The following TEDC2 variants were observed in gnomAD, a reference collection of about 807,000 sequenced individuals.
The protein encoded by TEDC2 is tubulin epsilon and delta complex 2, also known as tubulin epsilon and delta complex protein 2.
TEDC2 carries 49 observed loss-of-function variants against 48.1 expected under a neutral mutation model. That is an observed-to-expected ratio of 1.02 (90% CI 0.81 to 1.29). The LOEUF (loss-of-function observed/expected upper bound fraction) is 1.29. TEDC2 is among the 50% of genes most tolerant of loss of function. TEDC2 has a pLI of 0.00. For missense variants in TEDC2, 631 were observed against 571.4 expected, an observed-to-expected ratio of 1.10 and a Z score of -1.06; for synonymous variants, 299 against 247.1, an observed-to-expected ratio of 1.21 and a Z score of -1.97.
rs1182783343 is a variant in TEDC2, at chr16:2,460,373, G to C, written c.117G>C (p.Leu39=). 1.9e-6 allele frequency: 3 copies of C among 1,544,714 alleles called. No individual in the cohort carries two copies. Among genetic ancestry groups the C allele is most frequent in the African/African-American group, 1.4e-5 (1 of 72,786 alleles). The part of the protein sequence containing the change: ...EQSLRVCRRL[L]HAWEPTGTRA... ...GCCTGCGCGTTTGCCGTCGGCTGCTGCATGCCTGGTACGCGGACCCCGGAC... is the reference window on the plus strand; with the variant it reads ...GCCTGCGCGTTTGCCGTCGGCTGCTCCATGCCTGGTACGCGGACCCCGGAC... Residue 39 remains leucine (L), a synonymous_variant, in exon 2 of 10, where the codon CTG becomes CTC. Transcript: ENST00000361837.
chr16:2,462,449 A>G lies in TEDC2; in HGVS notation c.785A>G (p.Glu262Gly). 1 of 1,611,384 alleles carries G rather than the reference A, an allele frequency of 6.2e-7. No homozygotes were observed. The highest frequency in any genetic ancestry group is 1.7e-5 in the Admixed American group (1 of 59,804). ...GGPQPRLSAVEVEAEAGRLRK... is the reference protein window; with the variant it reads ...GGPQPRLSAVGVEAEAGRLRK... ...CCCCAGCCCAGGCTCAGTGCTGTGG[A>G]GGTGGAGGCGGAGGCGGGGCGCCTG... is the stretch of plus-strand genomic sequence containing the variant. The change falls in exon 7 of 10, where the codon GAG (glutamate) becomes GGG (glycine). Residue 262 changes from glutamate (E) to glycine (G), a missense_variant. Glu to Gly is a moderately conservative substitution (Grantham distance 98). Coordinates refer to ENST00000361837, the MANE Select transcript of TEDC2 (RefSeq NM_025108.3).
Position 2,460,263 on chromosome 16 carries a change from G to T in TEDC2, c.27-20G>T. The T allele has an allele frequency of 6.6e-7, 1 of 1,517,330 alleles. No homozygotes were observed. The highest frequency in any genetic ancestry group is 8.8e-7 in the Non-Finnish European group (1 of 1,139,384). 94.0% of individuals were successfully genotyped at this position (1,517,330 alleles called of 1,614,324 possible). ...GGCCCGACGCTGGCCGAGGTGCTGA[G>T]CCGCCGGTGCGTCCCCCAGGCTGGT... On this transcript the variant is annotated intron_variant, in intron 1 of 9. Transcript: ENST00000361837.
intron 8 of TEDC2, among the ~76,000 whole-genome samples, chr16:2,463,182 G>C (rs1397947772): frequency 6.6e-6 from 1 of 151,902 alleles, no homozygotes; most frequent in African/African-American, 2.4e-5. Flanking sequence ...GTAGCCAGGC[G>C]TGGTGGTGGG....
At chr16:2,464,417 G>T in intron 9 of TEDC2, 105 bp from the exon 10 acceptor site, 1 of 1,375,666 alleles carries the variant, frequency 7.3e-7, no homozygotes, top group Non-Finnish European at 9.7e-7. Context: ...TGGAGCCTCA[G>T]AAGGAGGGAG....
In TEDC2 at chr16:2,464,788, G is replaced by A. The variant is rs546936124; in HGVS notation, c.*120G>A. ...TGGGAAACCTGGTGAACTGGACCAGGTGGCCTCACTGGCTCTTCTCAGGAC... is the reference window on the plus strand; with the variant it reads ...TGGGAAACCTGGTGAACTGGACCAGATGGCCTCACTGGCTCTTCTCAGGAC... On this transcript the variant is annotated 3_prime_UTR_variant, in exon 10 of 10. Coordinates refer to ENST00000361837, the MANE Select transcript of TEDC2 (RefSeq NM_025108.3). 3 of 1,396,436 alleles carry A rather than the reference G, an allele frequency of 2.1e-6. No homozygotes were observed. The highest frequency in any genetic ancestry group is 2.9e-6 in the Non-Finnish European group (3 of 1,026,300). 86.5% of individuals were successfully genotyped at this position (1,396,436 alleles called of 1,614,324 possible). A position where few individuals can be genotyped will look rare whatever the true frequency, so the allele number is the denominator to read the frequency against.
rs2065464510 is a variant in TEDC2 at position 2,461,156 on chromosome 16, C to G, written c.537C>G (p.Leu179=). 6.6e-7 allele frequency: 1 copy of G among 1,526,456 alleles called. No homozygotes were observed. Among genetic ancestry groups the G allele is most frequent in the African/African-American group, 1.4e-5 (1 of 72,202 alleles). The allele number at this position is 1,526,456 out of a possible 1,614,324, so 94.6% of individuals were successfully genotyped here. The part of the protein sequence containing the change: ...GARTPRPGAG[L]RDQQMAPSAA... ...GAACCCCCAGGCCTGGGGCGGGCCTCAGGGACCAGCAAATGGCCCCATCCG... is the reference window on the plus strand; with the variant it reads ...GAACCCCCAGGCCTGGGGCGGGCCTGAGGGACCAGCAAATGGCCCCATCCG... Residue 179 remains leucine, a synonymous_variant, in exon 4 of 10, where the codon CTC becomes CTG. Coordinates refer to ENST00000361837, the MANE Select transcript of TEDC2 (RefSeq NM_025108.3).
At chr16:2,464,313 C>G (rs566488415) in intron 9 of TEDC2, 84 bp downstream of exon 9, 100 of 1,494,838 alleles carry the variant, frequency 6.7e-5, no homozygotes, top group Middle Eastern at 1.8e-4. Flanking sequence ...GCTCCACCCC[C>G]CAGGACCCAG....
chr16:2,461,624 T>G, intron 4 of TEDC2, 123 bp from the exon 5 acceptor site: 1 of 1,200,132 alleles, frequency 8.3e-7, no homozygotes, highest in Non-Finnish European at 1.2e-6. Context: ...GGCTCATCCT[T>G]GGTGGGGTCG....
Position 2,461,134 on chromosome 16 carries a change from C to A in TEDC2, c.515C>A (p.Thr172Asn), listed in dbSNP as rs774856757. The change falls in exon 4 of 10, where the codon ACC (threonine) becomes AAC (asparagine). Residue 172 changes from threonine (T) to asparagine (N), a missense_variant. Transcript: ENST00000361837. ...DGTRVGMGAR[T>N]PRPGAGLRDQ... ...ACCCGTGTTGGGATGGGAGCCCGAACCCCCAGGCCTGGGGCGGGCCTCAGG... is the reference window on the plus strand; with the variant it reads ...ACCCGTGTTGGGATGGGAGCCCGAAACCCCAGGCCTGGGGCGGGCCTCAGG... The A allele has an allele frequency of 3.2e-6, 5 of 1,558,488 alleles. No homozygotes were observed. Among genetic ancestry groups the A allele is most frequent in the African/African-American group, 1.4e-5 (1 of 73,466 alleles).
In TEDC2 at chr16:2,464,689, G is replaced by A. The variant is rs778617633; in HGVS notation, c.*21G>A. 1.6e-5 allele frequency: 26 copies of A among 1,612,172 alleles called. No homozygotes were observed. Among genetic ancestry groups the A allele is most frequent in the East Asian group, 1.3e-4 (6 of 44,882 alleles). ...TCTGAGCCTTTCCCATGCTGCCCTCGGCCTGTTCAGATGGGGATTGGGGGT... is the reference window on the plus strand; with the variant it reads ...TCTGAGCCTTTCCCATGCTGCCCTCAGCCTGTTCAGATGGGGATTGGGGGT... On this transcript the variant is annotated 3_prime_UTR_variant, in exon 10 of 10. Transcript: ENST00000361837.
Position 2,462,542 on chromosome 16 carries a change from G to A in TEDC2, c.862+16G>A, listed in dbSNP as rs1301583389. On this transcript the variant is annotated intron_variant, in intron 7 of 9. Transcript: ENST00000361837. ...CTCTCGGCAGGTCAGTGGGTCCTGG[G>A]TCTGTATCAGGAGGAGTGTGGAGGG... 6.3e-7 allele frequency: 1 copy of A among 1,585,968 alleles called. No individual in the cohort carries two copies. Among genetic ancestry groups the A allele is most frequent in the South Asian group, 1.1e-5 (1 of 87,268 alleles).
intron 3 of TEDC2, 31 bp downstream of exon 3, chr16:2,460,724 G>T: frequency 6.2e-7 from 1 of 1,612,864 alleles, no homozygotes; most frequent in Non-Finnish European, 8.5e-7. Context: ...TTCTCCAGGT[G>T]CTGCTCTGGC....
chr16:2,464,178 G>A lies in TEDC2; in HGVS notation c.1104G>A (p.Ala368=), dbSNP rs200856167. The A allele has an allele frequency of 1.2e-3, 1,867 of 1,612,496 alleles. 2 individuals are homozygous for A. Among genetic ancestry groups the A allele is most frequent in the Non-Finnish European group, 1.4e-3 (1,669 of 1,179,840 alleles). ...GCACCCAGGAGCTGCAGACCCTGGC[G>A]GCCCTCAAGCTGCGAGTGGCTGTGC... ...YSSTQELQTL[A]ALKLRVAVLD... The change falls in exon 9 of 10, where the codon GCG becomes GCA. Residue 368 remains alanine (A), a synonymous_variant. Coordinates refer to ENST00000361837, the MANE Select transcript of TEDC2 (RefSeq NM_025108.3).
Position 2,464,860 on chromosome 16 carries a change from C to T in TEDC2, c.*192C>T, listed in dbSNP as rs2065490906. 1.3e-6 allele frequency: 1 copy of T among 749,506 alleles called. No individual in the cohort carries two copies. Among genetic ancestry groups the T allele is most frequent in the Non-Finnish European group, 2.1e-6 (1 of 477,088 alleles). 46.4% of individuals were successfully genotyped at this position (749,506 alleles called of 1,614,324 possible). A position where few individuals can be genotyped will look rare whatever the true frequency, so the allele number is the denominator to read the frequency against. On this transcript the variant is annotated 3_prime_UTR_variant, in exon 10 of 10. Coordinates refer to ENST00000361837, the MANE Select transcript of TEDC2 (RefSeq NM_025108.3). ...CTGGCTTTCAGCCTTCCTAAGGCTC[C>T]TGGACTCCAGAGGCCAGCGGGGAGC...
chr16:2,460,775 A>G, intron 3 of TEDC2, 41 bp from the exon 4 acceptor site: 1 of 1,610,854 alleles, frequency 6.2e-7, no homozygotes. Flanking sequence ...CTCCTGGGGG[A>G]CAGTGGGGAG....
chr16:2,463,946 G>A lies in TEDC2; in HGVS notation c.965-93G>A, dbSNP rs539738127. ...CCACCTTTCTCCTAAAGGCAGGGCA[G>A]GTGGTGCAGATGCGGGAGGGCCAGG... On this transcript the variant is annotated intron_variant, in intron 8 of 9. Transcript: ENST00000361837. The A allele has an allele frequency of 1.1e-5, 15 of 1,349,676 alleles. No homozygotes were observed. The Admixed American group carries it at 2.8e-4, about 25-fold the overall frequency. 83.6% of individuals were successfully genotyped at this position (1,349,676 alleles called of 1,614,324 possible). A position where few individuals can be genotyped will look rare whatever the true frequency, so the allele number is the denominator to read the frequency against.
intron 8 of TEDC2, 118 bp from the exon 9 acceptor site, chr16:2,463,921 C>A (rs781398588): frequency 6.8e-6 from 8 of 1,172,050 alleles, no homozygotes; most frequent in Non-Finnish European, 9.5e-6. Flanking sequence ...TCCTGAAAGC[C>A]CACCTTTCTC....
Position 2,460,973 on chromosome 16 carries a change from A to G in TEDC2, c.354A>G (p.Thr118=), listed in dbSNP as rs1326269748. The part of the protein sequence containing the change: ...SRSIVTSSGT[T]ASAPPHSPGQ... Reference sequence around the variant, plus strand: ...CCATTGTCACCTCTTCTGGCACGACAGCCTCCGCCCCACCGCATTCCCCAG... The same window carrying G: ...CCATTGTCACCTCTTCTGGCACGACGGCCTCCGCCCCACCGCATTCCCCAG... The change falls in exon 4 of 10, where the codon ACA becomes ACG. Residue 118 remains threonine (T), a synonymous_variant. Coordinates refer to ENST00000361837, the MANE Select transcript of TEDC2 (RefSeq NM_025108.3). 3 of 1,613,372 alleles carry G rather than the reference A, an allele frequency of 1.9e-6. No individual in the cohort carries two copies. Among genetic ancestry groups the G allele is most frequent in the Admixed American group, 3.3e-5 (2 of 60,014 alleles).
At position 2,462,646 on chromosome 16, in the gene TEDC2, T is replaced by G; in HGVS notation, c.878T>G (p.Met293Arg). The change falls in exon 8 of 10, where the codon ATG (methionine) becomes AGG (arginine). Residue 293 changes from methionine to arginine, a missense_variant. Coordinates refer to ENST00000361837, the MANE Select transcript of TEDC2 (RefSeq NM_025108.3). ...TCTTCTGCAGCCCCCATGGACTGGA[T>G]GCAGGAGTACCGCTGCCTGCTCACG... ...EELSAAPMDW[M>R]QEYRCLLTLE... The G allele has an allele frequency of 6.5e-7, 1 of 1,548,230 alleles. No individual in the cohort carries two copies. The highest frequency in any genetic ancestry group is 8.7e-7 in the Non-Finnish European group (1 of 1,146,948).
Sources: gnomAD v4.1 joint callset for allele counts (sites outside exome capture counted in the v4.1 genomes callset) on GRCh38, gnomAD v4.1.1 for gene constraint, MANE v1.5 for transcripts, NCBI Gene and HGNC (gene_info 2026-07-23, HGNC 2026-07-21) for gene names.